The following AKAP13 variants were observed in gnomAD, a reference collection of about 807,000 sequenced individuals.
The protein encoded by AKAP13 is A-kinase anchoring protein 13.
In AKAP13, 80 loss-of-function variants were observed where a neutral mutation model predicts 264.5. The ratio of observed to expected loss-of-function variants is 0.30; its 90% CI spans 0.25 to 0.36. AKAP13 has a LOEUF of 0.36. AKAP13 is among the 10% of genes least tolerant of loss of function. The probability of loss-of-function intolerance (pLI) is 1.00; values close to 1 mark genes in which losing one functional copy is unlikely to be tolerated. For synonymous variants in AKAP13, 1,380 were observed against 1,250.2 expected (o/e 1.10, Z -2.19); for missense variants, 3,712 against 3,435.2 (o/e 1.08, Z -2.01).
chr15:85,425,019 T>TA (rs1196679995), intron 1 of AKAP13, among the ~76,000 whole-genome samples: 6 of 152,088 alleles, frequency 3.9e-5, no homozygotes, highest in Non-Finnish European at 8.8e-5. Flanking sequence ...ATAAAAAACA[T>TA]AAAAGATCAA....
In AKAP13 at chr15:85,621,828, G is replaced by T. The variant is rs528719066; in HGVS notation, c.4162-17546G>T. ...GAAGAATTTGAGTGACAAGAATGTG[G>T]TTTTTTGTTTTTTTGTTTTCCCCAC... On this transcript the variant is annotated intron_variant, in intron 8 of 36. Transcript: ENST00000394518. Among the ~76,000 whole-genome samples the T allele has an allele frequency of 5.9e-5, 9 of 152,250 alleles. No individual in the cohort carries two copies. In the South Asian group the frequency reaches 1.9e-3, roughly 32 times the overall value.
intron 1 of AKAP13, among the ~76,000 whole-genome samples, chr15:85,424,154 G>A (rs1226598628): frequency 6.6e-6 from 1 of 152,210 alleles, no homozygotes; most frequent in Admixed American, 6.5e-5. Context: ...CCTAACAAGA[G>A]AGTCAGCTTG....
rs966022688 is a variant in AKAP13 at position 85,733,521 on chromosome 15, A to T, written c.7283-1471A>T. 2.0e-5 allele frequency among the ~76,000 whole-genome samples: 3 copies of T among 152,090 alleles called. No homozygotes were observed. The East Asian group carries it at 5.8e-4, about 29-fold the overall frequency. ...CAAATTTTTCAGATTTCAGGAAGTT[A>T]TTTTTGAATTATAATTTGTACTATT... On this transcript the variant is annotated intron_variant, in intron 30 of 36. Coordinates refer to ENST00000394518, the MANE Select transcript of AKAP13 (RefSeq NM_007200.5).
chr15:85,653,367 C>T (rs578142292), intron 10 of AKAP13, among the ~76,000 whole-genome samples: 26 of 152,288 alleles, frequency 1.7e-4, no homozygotes, highest in South Asian at 6.2e-4. Context: ...TGCCTGCGTC[C>T]GTTGGAAAAT....
chr15:85,516,513 G>A (rs2076605396), intron 2 of AKAP13, among the ~76,000 whole-genome samples: 1 of 152,206 alleles, frequency 6.6e-6, no homozygotes, highest in South Asian at 2.1e-4. Context: ...TGATGACACT[G>A]TTACCTATAA....
intron 30 of AKAP13, among the ~76,000 whole-genome samples, chr15:85,732,589 GT>G (rs1482263180): frequency 6.7e-6 from 1 of 150,088 alleles, no homozygotes; most frequent in Non-Finnish European, 1.5e-5. Flanking sequence ...TACAGTGTTT[GT>G]TTTTTTAACT....
At chr15:85,591,933 T>G (rs911339539) in intron 8 of AKAP13, among the ~76,000 whole-genome samples, 2 of 152,170 alleles carry the variant, frequency 1.3e-5, no homozygotes, top group Non-Finnish European at 2.9e-5. Flanking sequence ...AACAACTATG[T>G]TCAAGGACAA....
chr15:85,616,897 G>A (rs79855573), intron 8 of AKAP13, among the ~76,000 whole-genome samples: 2,044 of 152,248 alleles, frequency 0.013, 60 homozygotes, highest in African/African-American at 0.047. Context: ...TTCCCACCCA[G>A]GGTATTTGTC....
chr15:85,617,124 C>T (rs566830191), intron 8 of AKAP13, among the ~76,000 whole-genome samples: 3 of 152,304 alleles, frequency 2.0e-5, no homozygotes, highest in Middle Eastern at 3.4e-3. Flanking sequence ...ACCTTGTTAC[C>T]TATTTATTTT....
At chr15:85,677,428 C>T (rs1368537604) in intron 14 of AKAP13, among the ~76,000 whole-genome samples, 1 of 152,138 alleles carries the variant, frequency 6.6e-6, no homozygotes, top group African/African-American at 2.4e-5. Flanking sequence ...GCTAATTTCA[C>T]AAAACTTTTT....
At position 85,635,425 on chromosome 15, in the gene AKAP13, T is replaced by C. The variant is rs902373871; in HGVS notation, c.4162-3949T>C. Among the ~76,000 whole-genome samples, 43 of 152,180 alleles carry C rather than the reference T, an allele frequency of 2.8e-4. 1 individual carries two copies. The highest frequency in any genetic ancestry group is 3.9e-4 in the Admixed American group (6 of 15,290). ...AAAATCATGTTGCTTTGTTACTGCA[T>C]TGTAAGAGTTTCTTTTATTTTTAAA... On this transcript the variant is annotated intron_variant, in intron 8 of 36. Transcript: ENST00000394518.
intron 5 of AKAP13, among the ~76,000 whole-genome samples, chr15:85,571,626 A>G (rs1200953435): frequency 6.6e-6 from 1 of 152,202 alleles, no homozygotes; most frequent in Non-Finnish European, 1.5e-5. Flanking sequence ...TCCTGCTTTA[A>G]TCTCTGTAGC....
chr15:85,651,817 G>A (rs376045721), intron 10 of AKAP13, among the ~76,000 whole-genome samples: 3 of 152,226 alleles, frequency 2.0e-5, no homozygotes, highest in African/African-American at 2.4e-5. Flanking sequence ...TCAGAACTTC[G>A]TATAAATGGA....
In AKAP13 at chr15:85,718,941, G is replaced by C; in HGVS notation, c.6002-135G>C. 8.0e-7 allele frequency: 1 copy of C among 1,242,620 alleles called. No homozygotes were observed. Among genetic ancestry groups the C allele is most frequent in the Non-Finnish European group, 1.1e-6 (1 of 901,924 alleles). 77.0% of individuals were successfully genotyped at this position (1,242,620 alleles called of 1,614,324 possible). ...ACAAAAAAACGAGAACACTTTTAGG[G>C]GAAAGATAGCTGTTGACCCAATTTT... On this transcript the variant is annotated intron_variant, in intron 22 of 36. Coordinates refer to ENST00000394518, the MANE Select transcript of AKAP13 (RefSeq NM_007200.5). The surrounding 1 kb of genome is among the most constrained non-coding windows in gnomAD (Gnocchi z 4.9).
At chr15:85,544,295 A>C (rs1388216972) in intron 5 of AKAP13, among the ~76,000 whole-genome samples, 1 of 152,194 alleles carries the variant, frequency 6.6e-6, no homozygotes, top group African/African-American at 2.4e-5. Context: ...ATCCTGGTTT[A>C]GTACAAGAGG....
chr15:85,446,604 G>A (rs959259649), intron 1 of AKAP13, among the ~76,000 whole-genome samples: 1 of 152,102 alleles, frequency 6.6e-6, no homozygotes, highest in Admixed American at 6.6e-5. Context: ...AGAATGGGAT[G>A]GAAAGATATT....
rs949214269 is a variant in AKAP13, at chr15:85,447,265, CAAAATAAA to C, written c.-11-38444_-11-38437del. ...CTGGTGACAGAGTGAGATTCCATCT[CAAAATAAA>C]TAAATAAATAAATCTGTTATTATTA... On this transcript the variant is annotated intron_variant, in intron 1 of 36. Coordinates refer to ENST00000394518, the MANE Select transcript of AKAP13 (RefSeq NM_007200.5). 6.3e-4 allele frequency among the ~76,000 whole-genome samples: 95 copies of C among 149,672 alleles called. 2 individuals are homozygous for C. The highest frequency in any genetic ancestry group is 1.6e-4 in the Non-Finnish European group (11 of 67,008).
chr15:85,399,531 TAAAA>T (rs1209122994), intron 1 of AKAP13, among the ~76,000 whole-genome samples: 69 of 104,916 alleles, frequency 6.6e-4, no homozygotes, highest in African/African-American at 1.6e-3. Context: ...AATAAAAAAA[TAAAA>T]AAATAAATAA....
chr15:85,722,492 G>T, intron 25 of AKAP13, 145 bp downstream of exon 25: 1 of 705,114 alleles, frequency 1.4e-6, no homozygotes. Context: ...TTTGTTGAAT[G>T]AAAATTTGGA....
Sources: gnomAD v4.1 joint callset for allele counts (sites outside exome capture counted in the v4.1 genomes callset) on GRCh38, gnomAD v4.1.1 for gene constraint, Gnocchi (gnomAD v3.1) non-coding constraint, MANE v1.5 for transcripts, NCBI Gene and HGNC (gene_info 2026-07-23, HGNC 2026-07-21) for gene names.